Variants in GRM5 observed in about 807,000 individuals in gnomAD.
GRM5 encodes the protein glutamate metabotropic receptor 5.
Under a neutral mutation model 83.1 loss-of-function variants are expected in GRM5, and 19 were observed. The ratio of observed to expected loss-of-function variants is 0.23; its 90% CI spans 0.16 to 0.34. The LOEUF (loss-of-function observed/expected upper bound fraction) is 0.34. Ranked by LOEUF, GRM5 falls within the 10% of genes least tolerant of loss-of-function variation. The pLI is 1.00. For missense variants in GRM5, 1,160 were observed against 1,588.3 expected (o/e 0.73, Z 4.58); for synonymous variants, 675 against 633.6 (o/e 1.07, Z -0.98).
At chr11:88,731,483 G>A (rs955102314) in intron 3 of GRM5, among the ~76,000 whole-genome samples, 4 of 152,000 alleles carry the variant, frequency 2.6e-5, no homozygotes, top group African/African-American at 9.7e-5. Flanking sequence ...ACTCTGTGTA[G>A]TCCTACATCA....
chr11:88,834,982 TC>T (rs975398392), intron 3 of GRM5, among the ~76,000 whole-genome samples: 30 of 151,918 alleles, frequency 2.0e-4, no homozygotes, highest in Admixed American at 1.3e-3. Flanking sequence ...CTGCCATTTT[TC>T]CCCCCCTGCA....
In GRM5 at chr11:88,943,118, C is replaced by T. The variant is rs1163719350; in HGVS notation, c.662-92963G>A. 1.3e-5 allele frequency among the ~76,000 whole-genome samples: 2 copies of T among 152,224 alleles called. 1 individual carries two copies. The highest frequency in any genetic ancestry group is 4.1e-4 in the South Asian group (2 of 4,828). On this transcript the variant is annotated intron_variant, in intron 2 of 9. Coordinates refer to ENST00000305447, the MANE Select transcript of GRM5 (RefSeq NM_001143831.3). The stretch of plus-strand genomic sequence containing the variant: ...AGATTAACTGATGAACTCTGCCTAA[C>T]AGGGCTTCATATAGGTGTCGTTAGG...
intron 7 of GRM5, among the ~76,000 whole-genome samples, chr11:88,571,217 T>C (rs1565343740): frequency 2.0e-5 from 3 of 152,350 alleles, no homozygotes; most frequent in African/African-American, 4.8e-5. Flanking sequence ...GAACTCTTCA[T>C]GTTCAGCTTA....
intron 3 of GRM5, among the ~76,000 whole-genome samples, chr11:88,679,261 G>A (rs1940414928): frequency 6.6e-6 from 1 of 151,898 alleles, no homozygotes; most frequent in South Asian, 2.1e-4. Context: ...ACTGAGGAAT[G>A]GAGCTATGGA....
chr11:88,595,115 C>G (rs1277520241), intron 6 of GRM5, among the ~76,000 whole-genome samples: 1 of 151,864 alleles, frequency 6.6e-6, no homozygotes, highest in Non-Finnish European at 1.5e-5. Context: ...TTCTTATACT[C>G]TTTATTTTTT....
intron 4 of GRM5, among the ~76,000 whole-genome samples, chr11:88,622,502 A>G (rs1231742332): frequency 6.6e-6 from 1 of 152,048 alleles, no homozygotes; most frequent in African/African-American, 2.4e-5. Flanking sequence ...ATGAATACAC[A>G]TTTATTTCAT....
At chr11:88,671,927 C>T (rs891641440) in intron 3 of GRM5, among the ~76,000 whole-genome samples, 3 of 151,976 alleles carry the variant, frequency 2.0e-5, no homozygotes, top group South Asian at 2.1e-4. Flanking sequence ...TTTGGTTGTA[C>T]ATTATAATGC....
chr11:88,609,392 T>C (rs907861539), intron 4 of GRM5, among the ~76,000 whole-genome samples: 1 of 152,200 alleles, frequency 6.6e-6, no homozygotes, highest in Non-Finnish European at 1.5e-5. Context: ...CATGCATATG[T>C]ACCATGTCTT....
chr11:88,995,805 C>G (rs1940167708), intron 2 of GRM5, among the ~76,000 whole-genome samples: 1 of 151,920 alleles, frequency 6.6e-6, no homozygotes, highest in African/African-American at 2.4e-5. Flanking sequence ...CAGCAAAACT[C>G]AAATCTTGAA....
chr11:88,848,946 A>G (rs1175735438), intron 3 of GRM5, among the ~76,000 whole-genome samples: 2 of 152,314 alleles, frequency 1.3e-5, no homozygotes, highest in East Asian at 3.9e-4. Flanking sequence ...TGAGATGGAC[A>G]TCGGTCTTTT....
chr11:88,708,618 C>A (rs1941213245), intron 3 of GRM5, among the ~76,000 whole-genome samples: 1 of 152,048 alleles, frequency 6.6e-6, no homozygotes, highest in Non-Finnish European at 1.5e-5. Flanking sequence ...TCACATTAGA[C>A]AATGTATGTA....
At chr11:88,870,756 T>G (rs938314926) in intron 2 of GRM5, among the ~76,000 whole-genome samples, 8 of 151,458 alleles carry the variant, frequency 5.3e-5, no homozygotes, top group African/African-American at 1.9e-4. Context: ...GGAGCTCTCA[T>G]GAGAGGTCTG....
chr11:88,923,286 T>C (rs1945725171), intron 2 of GRM5, among the ~76,000 whole-genome samples: 1 of 152,090 alleles, frequency 6.6e-6, no homozygotes, highest in African/African-American at 2.4e-5. Flanking sequence ...TAACCAAGAT[T>C]TGTAAGCAAA....
intron 2 of GRM5, among the ~76,000 whole-genome samples, chr11:88,947,490 TA>T (rs1275899358): frequency 6.6e-6 from 1 of 152,052 alleles, no homozygotes. Flanking sequence ...GAGGTTTAGG[TA>T]CCTAAAACGT....
chr11:88,831,094 A>G (rs1054674976), intron 3 of GRM5, among the ~76,000 whole-genome samples: 1 of 152,078 alleles, frequency 6.6e-6, no homozygotes, highest in Admixed American at 6.5e-5. Flanking sequence ...ATCACGCTGG[A>G]TCCTGCACAC....
intron 3 of GRM5, among the ~76,000 whole-genome samples, chr11:88,808,545 T>C (rs12270965): frequency 0.026 from 3,878 of 152,062 alleles, 174 homozygotes; most frequent in African/African-American, 0.089. Flanking sequence ...ACCACTTTAG[T>C]GAAGTGAAAA....
intron 2 of GRM5, among the ~76,000 whole-genome samples, chr11:88,872,454 A>G (rs1462426998): frequency 6.6e-6 from 1 of 151,526 alleles, no homozygotes; most frequent in African/African-American, 2.4e-5. Context: ...ATTTTTATAT[A>G]TTAGCTATTA....
intron 3 of GRM5, among the ~76,000 whole-genome samples, chr11:88,697,349 G>A (rs911774150): frequency 1.2e-4 from 18 of 152,146 alleles, no homozygotes; most frequent in African/African-American, 4.3e-4. Context: ...TAGGATTGAT[G>A]CGCTTTTGTA....
In GRM5 at chr11:88,567,584, A is replaced by T; in HGVS notation, c.2099T>A (p.Leu700His). 1 of 1,614,160 alleles carries T rather than the reference A, an allele frequency of 6.2e-7. No homozygotes were observed. Among genetic ancestry groups the T allele is most frequent in the Non-Finnish European group, 8.5e-7 (1 of 1,180,006 alleles). ...ACAQLVIAFI[L>H]ICIQLGIIVA... ...GATGATGCCCAACTGGATGCATATG[A>T]GAATGAAAGCAATCACTAGCTGGGC... The change falls in exon 8 of 10, where the codon CTC (leucine) becomes CAC (histidine). Residue 700 changes from leucine to histidine, a missense_variant. By Grantham distance (99) the Leu-to-His change is moderately conservative. Transcript: ENST00000305447. The surrounding 1 kb of genome is among the most constrained non-coding windows in gnomAD (Gnocchi z 7.3).
Sources: gnomAD v4.1 joint callset for allele counts (sites outside exome capture counted in the v4.1 genomes callset) on GRCh38, gnomAD v4.1.1 for gene constraint, Gnocchi (gnomAD v3.1) non-coding constraint, MANE v1.5 for transcripts, NCBI Gene and HGNC (gene_info 2026-07-23, HGNC 2026-07-21) for gene names.